CDK6: variants seen among roughly 807,000 people sequenced by gnomAD.
CDK6 encodes cyclin-dependent kinase 6.
In CDK6, 6 loss-of-function variants were observed where a neutral mutation model predicts 37.1. The observed-to-expected ratio is 0.16, with a 90% CI of 0.09 to 0.32. The LOEUF is 0.32. CDK6 is among the 10% of genes least tolerant of loss of function. The pLI is 1.00. For synonymous variants in CDK6, 160 were observed against 161.3 expected (o/e 0.99, Z 0.06); for missense variants, 224 against 418.9 (o/e 0.53, Z 4.06).
chr7:92,696,410 C>G (rs556848398), intron 4 of CDK6, among the ~76,000 whole-genome samples: 19 of 152,034 alleles, frequency 1.2e-4, no homozygotes, highest in Non-Finnish European at 2.6e-4. Context: ...TGTTGTTTCA[C>G]GGGGAAAGAA....
intron 4 of CDK6, among the ~76,000 whole-genome samples, chr7:92,707,620 A>C (rs1302775369): frequency 6.6e-6 from 1 of 152,256 alleles, no homozygotes; most frequent in Non-Finnish European, 1.5e-5. Flanking sequence ...AAAGAAAAGA[A>C]AGGACTTATT....
chr7:92,612,371 A>C lies in CDK6; in HGVS notation c.*2769T>G, dbSNP rs1795580117. ...GATGTTTGAAACCATATGTTACAGAAGAATAAGCTGTAGTCACTAAGTTCT... is the reference window on the plus strand; with the variant it reads ...GATGTTTGAAACCATATGTTACAGACGAATAAGCTGTAGTCACTAAGTTCT... On this transcript the variant is annotated 3_prime_UTR_variant, in exon 8 of 8. Transcript: ENST00000424848. The C allele has an allele frequency of 4.3e-6, 1 of 233,146 alleles. No homozygotes were observed. Among genetic ancestry groups the C allele is most frequent in the Admixed American group, 5.6e-5 (1 of 17,788 alleles). The allele number at this position is 233,146 out of a possible 1,614,324, so 14.4% of individuals were successfully genotyped here. A position where few individuals can be genotyped will look rare whatever the true frequency, so the allele number is the denominator to read the frequency against.
At chr7:92,722,787 TA>T (rs1440527941) in intron 4 of CDK6, among the ~76,000 whole-genome samples, 1 of 152,202 alleles carries the variant, frequency 6.6e-6, no homozygotes, top group Non-Finnish European at 1.5e-5. Context: ...CCTATCAAAA[TA>T]AACAAGGCAC....
chr7:92,658,747 C>T (rs531064237), intron 5 of CDK6, among the ~76,000 whole-genome samples: 1 of 152,250 alleles, frequency 6.6e-6, no homozygotes, highest in South Asian at 2.1e-4. Context: ...TGTTATTTTA[C>T]TTTTTCGTTT....
At chr7:92,615,325 CAT>C (rs1795652877) in intron 7 of CDK6, 39 bp from the exon 8 acceptor site, 2 of 1,314,378 alleles carry the variant, frequency 1.5e-6, no homozygotes. Context: ...ATATACAATA[CAT>C]CAATGTAAAT....
chr7:92,743,144 T>C (rs553011283), intron 3 of CDK6, among the ~76,000 whole-genome samples: 1 of 151,932 alleles, frequency 6.6e-6, no homozygotes, highest in Non-Finnish European at 1.5e-5. Flanking sequence ...ATACTCACAA[T>C]ATATAAAGAA....
rs1315850229 is a variant in CDK6 at position 92,835,798 on chromosome 7, G to C, written c.-368+680C>G. 1.3e-5 allele frequency among the ~76,000 whole-genome samples: 2 copies of C among 152,232 alleles called. No homozygotes were observed. On this transcript the variant is annotated intron_variant, in intron 1 of 7. Coordinates refer to ENST00000424848, the MANE Select transcript of CDK6 (RefSeq NM_001145306.2). This position sits in a 1 kb window ranked among gnomAD's most constrained non-coding sequence, Gnocchi z 4.2. ...ACGGACGGGCGCGCTGCGGGGACCA[G>C]GGCTGCTCACTGCGGGGCGTGTGTT...
chr7:92,611,683 G>T lies in CDK6; in HGVS notation c.*3457C>A, dbSNP rs888919204. On this transcript the variant is annotated 3_prime_UTR_variant, in exon 8 of 8. Transcript: ENST00000424848. The stretch of plus-strand genomic sequence containing the variant: ...TCATCAAGATGGATAGTACATTCTG[G>T]AGAGTCAAACTATACATTTCTCTAT... 29 of 229,294 alleles carry T rather than the reference G, an allele frequency of 1.3e-4. No homozygotes were observed. Among genetic ancestry groups the T allele is most frequent in the African/African-American group, 4.9e-4 (22 of 45,252 alleles). The allele number at this position is 229,294 out of a possible 1,614,324, so 14.2% of individuals were successfully genotyped here. A position where few individuals can be genotyped will look rare whatever the true frequency, so the allele number is the denominator to read the frequency against.
intron 2 of CDK6, among the ~76,000 whole-genome samples, chr7:92,817,840 A>G (rs1801069026): frequency 1.3e-5 from 2 of 151,954 alleles, no homozygotes; most frequent in East Asian, 3.8e-4. Flanking sequence ...TATAGCTCTC[A>G]ATGACAAACA....
intron 7 of CDK6, among the ~76,000 whole-genome samples, chr7:92,617,590 A>G (rs1283116635): frequency 6.6e-6 from 1 of 152,184 alleles, no homozygotes. Context: ...GGTATTTTAT[A>G]TGTCCCTGGC....
chr7:92,699,551 T>C (rs2116657427), intron 4 of CDK6, among the ~76,000 whole-genome samples: 1 of 152,360 alleles, frequency 6.6e-6, no homozygotes, highest in East Asian at 1.9e-4. Context: ...GTGGGTGAAA[T>C]ACAGATATAT....
chr7:92,825,480 A>G (rs1414623990), intron 2 of CDK6, among the ~76,000 whole-genome samples: 1 of 152,038 alleles, frequency 6.6e-6, no homozygotes, highest in Non-Finnish European at 1.5e-5. Flanking sequence ...ACACACACAC[A>G]CACACCCCAA....
chr7:92,720,087 T>A (rs1798331035), intron 4 of CDK6, among the ~76,000 whole-genome samples: 1 of 152,268 alleles, frequency 6.6e-6, no homozygotes, highest in Middle Eastern at 3.4e-3. Context: ...TTTATTGAGG[T>A]CTACATAAAA....
chr7:92,617,974 G>A (rs1352260605), intron 7 of CDK6, 98 bp downstream of exon 7: 3 of 1,210,918 alleles, frequency 2.5e-6, no homozygotes, highest in Non-Finnish European at 3.5e-6. Context: ...GATGCCTATA[G>A]CAGCTACTGA....
intron 2 of CDK6, among the ~76,000 whole-genome samples, chr7:92,812,156 CA>C (rs751046965): frequency 6.6e-6 from 1 of 151,988 alleles, no homozygotes; most frequent in Admixed American, 6.6e-5. Flanking sequence ...CAAAACAAAA[CA>C]AAACAAAACA....
At chr7:92,731,668 T>C (rs1468270677) in intron 3 of CDK6, among the ~76,000 whole-genome samples, 1 of 151,772 alleles carries the variant, frequency 6.6e-6, no homozygotes, top group Non-Finnish European at 1.5e-5. Context: ...TATTCTGAAA[T>C]GAGAACAGAA....
chr7:92,664,137 C>A (rs1298608920), intron 5 of CDK6, among the ~76,000 whole-genome samples: 2 of 151,120 alleles, frequency 1.3e-5, no homozygotes, highest in Admixed American at 6.6e-5. Flanking sequence ...CGAGACTCTG[C>A]CTCAAAAAAA....
intron 2 of CDK6, among the ~76,000 whole-genome samples, chr7:92,779,792 A>C (rs1799940681): frequency 6.6e-6 from 1 of 152,256 alleles, no homozygotes. Context: ...AAAAATTAAC[A>C]GTTATATTAG....
At chr7:92,759,697 C>CAAAAAAAAA (rs61188860) in intron 3 of CDK6, among the ~76,000 whole-genome samples, 4 of 74,110 alleles carry the variant, frequency 5.4e-5, no homozygotes, top group African/African-American at 1.8e-4. Context: ...GACTTTAAGG[C>CAAAAAAAAA]AAAAAAAAAA....
Sources: gnomAD v4.1 joint callset for allele counts (sites outside exome capture counted in the v4.1 genomes callset) on GRCh38, gnomAD v4.1.1 for gene constraint, Gnocchi (gnomAD v3.1) non-coding constraint, MANE v1.5 for transcripts, NCBI Gene and HGNC (gene_info 2026-07-23, HGNC 2026-07-21) for gene names.